The following INPP4B variants were observed in gnomAD, a reference collection of about 807,000 sequenced individuals.
INPP4B encodes the protein inositol polyphosphate 4-phosphatase type II.
In INPP4B, 55 loss-of-function variants were observed where a neutral mutation model predicts 122.5. The observed-to-expected ratio is 0.45, with a 90% confidence interval of 0.36 to 0.56. The LOEUF (loss-of-function observed/expected upper bound fraction) is 0.56, where lower values mean the gene tolerates loss of function less well. Among genes scored for constraint, INPP4B ranks in the 20% least tolerant of loss-of-function variants. The pLI is 0.00. For synonymous variants in INPP4B, 403 were observed against 388.7 expected, an observed-to-expected ratio of 1.04 and a Z score of -0.43; for missense variants, 1,000 against 1,097.7, an observed-to-expected ratio of 0.91 and a Z score of 1.26.
chr4:142,269,933 GT>G (rs770885031), intron 10 of INPP4B, among the ~76,000 whole-genome samples: 31 of 152,168 alleles, frequency 2.0e-4, no homozygotes, highest in Non-Finnish European at 4.4e-4. Flanking sequence ...ACTACTAGCA[GT>G]TTCTAAGTCT....
chr4:142,173,572 C>T, intron 16 of INPP4B, 60 bp downstream of exon 16: 2 of 1,461,510 alleles, frequency 1.4e-6, no homozygotes, highest in Middle Eastern at 3.6e-4. Flanking sequence ...TGCAGAAAGC[C>T]AGACCAATGG....
intron 2 of INPP4B, among the ~76,000 whole-genome samples, chr4:142,682,509 A>T (rs987687843): frequency 2.0e-5 from 3 of 151,942 alleles, no homozygotes; most frequent in Non-Finnish European, 2.9e-5. Context: ...TACATCACTG[A>T]TAAAATAATT....
intron 2 of INPP4B, among the ~76,000 whole-genome samples, chr4:142,471,406 A>T (rs951254627): frequency 6.6e-6 from 1 of 152,184 alleles, no homozygotes; most frequent in African/African-American, 2.4e-5. Context: ...GCTGTCCAAA[A>T]CATTTGGAAC....
At chr4:142,768,593 T>A (rs1275243644) in intron 1 of INPP4B, among the ~76,000 whole-genome samples, 1 of 152,176 alleles carries the variant, frequency 6.6e-6, no homozygotes, top group African/African-American at 2.4e-5. Context: ...CCTCAGAGCA[T>A]TGTTGTAGGA....
chr4:142,272,810 C>A (rs565612164), intron 9 of INPP4B, among the ~76,000 whole-genome samples: 1 of 152,088 alleles, frequency 6.6e-6, no homozygotes, highest in Non-Finnish European at 1.5e-5. Context: ...TAGATATTTG[C>A]AGATTTCTTT....
intron 2 of INPP4B, among the ~76,000 whole-genome samples, chr4:142,594,778 A>T (rs1032104059): frequency 6.6e-6 from 1 of 151,982 alleles, no homozygotes; most frequent in Admixed American, 6.5e-5. Flanking sequence ...ACATGGTGAA[A>T]CCCCATCTCT....
At chr4:142,430,486 G>C (rs1343847907) in intron 4 of INPP4B, among the ~76,000 whole-genome samples, 1 of 152,026 alleles carries the variant, frequency 6.6e-6, no homozygotes, top group Admixed American at 6.6e-5. Context: ...TAAATAATTG[G>C]ACTACAGGAA....
intron 1 of INPP4B, among the ~76,000 whole-genome samples, chr4:142,837,767 A>G (rs1782980129): frequency 6.6e-6 from 1 of 152,192 alleles, no homozygotes; most frequent in African/African-American, 2.4e-5. Context: ...GGTAATATGT[A>G]TAAGGCACTT....
At chr4:142,361,769 A>G (rs1447747070) in intron 7 of INPP4B, among the ~76,000 whole-genome samples, 1 of 151,932 alleles carries the variant, frequency 6.6e-6, no homozygotes, top group Non-Finnish European at 1.5e-5. Context: ...TTATAGGTGG[A>G]TATTGTCACC....
chr4:142,462,912 C>A (rs917595949), intron 2 of INPP4B, among the ~76,000 whole-genome samples, 186 bp from the exon 3 acceptor site: 1 of 152,224 alleles, frequency 6.6e-6, no homozygotes, highest in Non-Finnish European at 1.5e-5. Flanking sequence ...TAGTCAGCTT[C>A]ATTCAGCCCA....
At chr4:142,591,705 C>T (rs1737540246) in intron 2 of INPP4B, among the ~76,000 whole-genome samples, 1 of 152,104 alleles carries the variant, frequency 6.6e-6, no homozygotes, top group African/African-American at 2.4e-5. Context: ...CTCAACAGCG[C>T]TAAGTAATGT....
intron 2 of INPP4B, among the ~76,000 whole-genome samples, chr4:142,482,620 T>C (rs899675092): frequency 6.6e-6 from 1 of 152,188 alleles, no homozygotes. Flanking sequence ...TAAGAGACAC[T>C]GATTAGTACT....
intron 2 of INPP4B, among the ~76,000 whole-genome samples, chr4:142,647,070 G>A (rs1335972113): frequency 6.6e-6 from 1 of 152,044 alleles, no homozygotes; most frequent in Non-Finnish European, 1.5e-5. Context: ...GCCTAAATAA[G>A]GATAATTTTC....
At position 142,603,741 on chromosome 4, in the gene INPP4B, G is replaced by A. The variant is rs116488824; in HGVS notation, c.-191+122098C>T. ...TAACAAAAAAGTCTCCAAAGAAAGA[G>A]AAGCCCAAGAACAGATGGATTCAGT... On this transcript the variant is annotated intron_variant, in intron 2 of 25. Transcript: ENST00000262992. Among the ~76,000 whole-genome samples the A allele has an allele frequency of 5.6e-3, 852 of 152,128 alleles. 9 individuals carry two copies. Among genetic ancestry groups the A allele is most frequent in the East Asian group, 0.018 (95 of 5,172 alleles).
intron 2 of INPP4B, among the ~76,000 whole-genome samples, chr4:142,525,910 A>G (rs368026806): frequency 2.6e-5 from 4 of 152,006 alleles, no homozygotes; most frequent in East Asian, 1.9e-4. Flanking sequence ...AAACTAAAGA[A>G]CTTCTGTACA....
At chr4:142,354,619 A>T (rs993362668) in intron 7 of INPP4B, among the ~76,000 whole-genome samples, 1 of 152,026 alleles carries the variant, frequency 6.6e-6, no homozygotes, top group Non-Finnish European at 1.5e-5. Flanking sequence ...GAACAAAGAG[A>T]ATCCTAAATT....
intron 25 of INPP4B, among the ~76,000 whole-genome samples, chr4:142,079,154 T>A (rs1772458907): frequency 6.6e-6 from 1 of 152,018 alleles, no homozygotes; most frequent in South Asian, 2.1e-4. Context: ...GATACATTTT[T>A]AAAAATAGAT....
chr4:142,180,445 A>C (rs1830263386), intron 15 of INPP4B, among the ~76,000 whole-genome samples: 1 of 152,166 alleles, frequency 6.6e-6, no homozygotes, highest in Non-Finnish European at 1.5e-5. Context: ...TAATAATTTA[A>C]ATCTCCTCCT....
chr4:142,670,319 A>AT (rs987671928), intron 2 of INPP4B, among the ~76,000 whole-genome samples: 9 of 152,180 alleles, frequency 5.9e-5, no homozygotes, highest in Non-Finnish European at 1.2e-4. Context: ...TAAAATAAAG[A>AT]TCCCAAAGAG....
Sources: allele counts gnomAD v4.1 joint callset (sites outside exome capture counted in the v4.1 genomes callset), GRCh38; gene constraint gnomAD v4.1.1; transcripts MANE v1.5; gene names NCBI Gene and HGNC (gene_info 2026-07-23, HGNC 2026-07-21).